The following CPNE4 variants were observed in gnomAD, a reference collection of about 807,000 sequenced individuals.
CPNE4 encodes the protein copine-4.
A neutral mutation model predicts 67.9 loss-of-function variants in CPNE4; 25 were observed. That is an observed-to-expected ratio of 0.37 (90% CI 0.27 to 0.51). The LOEUF is 0.51. Ranked by LOEUF, CPNE4 falls within the 20% of genes least tolerant of loss-of-function variation. The pLI, the probability that CPNE4 is intolerant of heterozygous loss-of-function variation, is 0.93. For missense variants in CPNE4, 464 were observed against 690.8 expected (o/e 0.67, Z 3.68); for synonymous variants, 242 against 244.9 (o/e 0.99, Z 0.11).
intron 11 of CPNE4, among the ~76,000 whole-genome samples, chr3:131,556,016 A>G (rs1222238047): frequency 2.6e-5 from 4 of 152,070 alleles, no homozygotes; most frequent in African/African-American, 9.7e-5. Context: ...TGACTTGCCC[A>G]AGATCATGCC....
intron 2 of CPNE4, among the ~76,000 whole-genome samples, chr3:131,772,996 G>A (rs560409224): frequency 6.6e-6 from 1 of 152,142 alleles, no homozygotes; most frequent in African/African-American, 2.4e-5. Context: ...TGACTCTTTT[G>A]GACTGAACTA....
intron 10 of CPNE4, among the ~76,000 whole-genome samples, chr3:131,568,657 C>T (rs1221885056): frequency 1.3e-5 from 2 of 148,616 alleles, no homozygotes; most frequent in Admixed American, 6.6e-5. Context: ...CTTTGCAAAC[C>T]TTGTAAAGTA....
At chr3:132,027,928 A>C (rs2074150335) in intron 1 of CPNE4, among the ~76,000 whole-genome samples, 1 of 152,196 alleles carries the variant, frequency 6.6e-6, no homozygotes, top group Admixed American at 6.5e-5. Context: ...TTTTTAAAAC[A>C]GAGTTCTTAT....
chr3:131,789,977 C>G (rs1483218726), intron 2 of CPNE4, among the ~76,000 whole-genome samples: 1 of 152,110 alleles, frequency 6.6e-6, no homozygotes, highest in Admixed American at 6.6e-5. Context: ...TCCTCTAATT[C>G]CATTCTCCTT....
At chr3:131,914,460 C>T (rs983948082) in intron 1 of CPNE4, among the ~76,000 whole-genome samples, 7 of 152,014 alleles carry the variant, frequency 4.6e-5, no homozygotes, top group Non-Finnish European at 8.8e-5. Context: ...TTCTTTCTTC[C>T]CCCACATTTC....
At chr3:132,001,162 A>G (rs1315867377) in intron 1 of CPNE4, among the ~76,000 whole-genome samples, 1 of 152,060 alleles carries the variant, frequency 6.6e-6, no homozygotes, top group Non-Finnish European at 1.5e-5. Flanking sequence ...CTGATCAAAA[A>G]AGCAAGGCAA....
chr3:131,881,343 A>C (rs76347573), intron 2 of CPNE4, among the ~76,000 whole-genome samples: 2,469 of 152,272 alleles, frequency 0.016, 33 homozygotes, highest in Middle Eastern at 0.078. Flanking sequence ...GCCTCTCAAC[A>C]ACTTCTAATC....
In CPNE4 at chr3:131,955,410, G is replaced by GTTTTTTTGTTTTTTTTTTT. The variant is rs1553814124; in HGVS notation, c.-1-49967_-1-49966insAAAAAAAAAAACAAAAAAA. Among the ~76,000 whole-genome samples the GTTTTTTTGTTTTTTTTTTT allele has an allele frequency of 3.1e-4, 13 of 42,268 alleles. 1 individual carries two copies. The highest frequency in any genetic ancestry group is 5.3e-4 in the Non-Finnish European group (12 of 22,534). 27.7% of individuals were successfully genotyped at this position (42,268 alleles called of 152,430 possible). A position where few individuals can be genotyped will look rare whatever the true frequency, so the allele number is the denominator to read the frequency against. Reference sequence around the variant, plus strand: ...TTTTCTGTGTGGTATTGTATGTAAGGTTTTTTTTTTTTTTTTTTTTTTTTG... The same window carrying GTTTTTTTGTTTTTTTTTTT: ...TTTTCTGTGTGGTATTGTATGTAAGGTTTTTTTGTTTTTTTTTTTTTTTTTTTTTTTTTTTTTTTTTTTG... On this transcript the variant is annotated intron_variant, in intron 1 of 15. Coordinates refer to ENST00000429747, the MANE Select transcript of CPNE4 (RefSeq NM_130808.3).
At chr3:131,765,893 G>A (rs1483384062) in intron 2 of CPNE4, among the ~76,000 whole-genome samples, 2 of 152,030 alleles carry the variant, frequency 1.3e-5, no homozygotes, top group African/African-American at 4.8e-5. Context: ...GGGACCAAAT[G>A]GTGCAAGAAA....
chr3:131,819,528 A>G (rs1304473054), intron 2 of CPNE4, among the ~76,000 whole-genome samples: 1 of 151,468 alleles, frequency 6.6e-6, no homozygotes. Flanking sequence ...ACACACGCAC[A>G]GTTTCCTTAA....
intron 1 of CPNE4, among the ~76,000 whole-genome samples, chr3:131,999,061 G>C (rs1388106191): frequency 2.0e-5 from 3 of 151,838 alleles, no homozygotes; most frequent in South Asian, 4.2e-4. Context: ...CATGAAAGAG[G>C]CAGTTACATG....
Position 131,550,096 on chromosome 3 carries a change from C to CA in CPNE4, c.1169-17dup. The CA allele has an allele frequency of 6.2e-7, 1 of 1,612,308 alleles. No homozygotes were observed. On this transcript the variant is annotated splice_polypyrimidine_tract_variant and intron_variant, in intron 13 of 15. Coordinates refer to ENST00000429747, the MANE Select transcript of CPNE4 (RefSeq NM_130808.3). ...CCTTGAATTCCTGAGGTGAAATTGG[C>CA]AAAGATCAACAGCTCCAGAGTCACT...
intron 1 of CPNE4, among the ~76,000 whole-genome samples, chr3:132,029,454 T>A (rs1463799154): frequency 6.6e-6 from 1 of 152,154 alleles, no homozygotes; most frequent in African/African-American, 2.4e-5. Context: ...GGAGGTTGAC[T>A]CTGCTAGTGC....
intron 6 of CPNE4, among the ~76,000 whole-genome samples, chr3:131,675,951 T>C (rs2080549816): frequency 7.0e-6 from 1 of 142,040 alleles, no homozygotes; most frequent in African/African-American, 2.7e-5. Context: ...TTTTTTTAAA[T>C]TTATTGGGTT....
chr3:132,037,479 C>A, upstream of CPNE4: 2 of 1,009,568 alleles, frequency 2.0e-6, no homozygotes, highest in South Asian at 1.4e-5. Context: ...TCAATCACTG[C>A]CCCCACAGCA....
At chr3:131,583,804 T>A (rs1937998900) in intron 8 of CPNE4, among the ~76,000 whole-genome samples, 1 of 152,088 alleles carries the variant, frequency 6.6e-6, no homozygotes, top group Non-Finnish European at 1.5e-5. Context: ...ACTTTCCCAA[T>A]CCCATTTAAC....
chr3:131,886,548 G>A (rs747842217), intron 2 of CPNE4, among the ~76,000 whole-genome samples: 5 of 151,136 alleles, frequency 3.3e-5, no homozygotes, highest in Non-Finnish European at 7.4e-5. Context: ...ACCCCAGAAT[G>A]GTAGATCTAC....
At chr3:131,598,845 C>G (rs1388778131) in intron 7 of CPNE4, among the ~76,000 whole-genome samples, 3 of 126,906 alleles carry the variant, frequency 2.4e-5, no homozygotes, top group Admixed American at 1.5e-4. Context: ...AAAATTGTCC[C>G]CCCACCCCCC....
At chr3:131,929,769 CT>C (rs765061535) in intron 1 of CPNE4, among the ~76,000 whole-genome samples, 4 of 152,146 alleles carry the variant, frequency 2.6e-5, no homozygotes, top group East Asian at 1.9e-4. Context: ...GTGAGTACCC[CT>C]GTCAGGGGTT....
Sources: gnomAD v4.1 joint callset for allele counts (sites outside exome capture counted in the v4.1 genomes callset) on GRCh38, gnomAD v4.1.1 for gene constraint, MANE v1.5 for transcripts, NCBI Gene and HGNC (gene_info 2026-07-23, HGNC 2026-07-21) for gene names.